Variants in ALDH1L1 observed in about 807,000 individuals in gnomAD.
ALDH1L1 encodes cytosolic 10-formyltetrahydrofolate dehydrogenase.
A neutral mutation model predicts 101.1 loss-of-function variants in ALDH1L1; 68 were observed. That is an observed-to-expected ratio of 0.67 (90% CI 0.55 to 0.82). The LOEUF is 0.82. Ranked by LOEUF, ALDH1L1 falls within the 40% of genes least tolerant of loss-of-function variation. ALDH1L1 has a pLI of 0.00. For missense variants in ALDH1L1, 1,087 were observed against 1,172.7 expected (o/e 0.93, Z 1.07); for synonymous variants, 486 against 470.8 (o/e 1.03, Z -0.42).
intron 1 of ALDH1L1, among the ~76,000 whole-genome samples, chr3:126,168,960 A>G (rs767362720): frequency 3.3e-5 from 5 of 152,154 alleles, no homozygotes; most frequent in Non-Finnish European, 7.4e-5. Context: ...TTTACAGACA[A>G]TTTTTATTTT....
chr3:126,180,854 G>T, upstream of ALDH1L1: 1 of 1,556,440 alleles, frequency 6.4e-7, no homozygotes, highest in South Asian at 1.2e-5. Flanking sequence ...ACCCAGCAGG[G>T]CTGGCAGTTC....
chr3:126,189,185 A>T (rs1302824282), intron 1 of ALDH1L1, among the ~76,000 whole-genome samples: 1 of 152,222 alleles, frequency 6.6e-6, no homozygotes, highest in African/African-American at 2.4e-5. Flanking sequence ...GAACTAATGG[A>T]TCCCTTAGAT....
intron 9 of ALDH1L1, among the ~76,000 whole-genome samples, chr3:126,140,189 G>A (rs1559943884): frequency 6.6e-6 from 1 of 152,150 alleles, no homozygotes; most frequent in Non-Finnish European, 1.5e-5. Context: ...TATACAATGG[G>A]TCTTTGATAA....
chr3:126,142,116 G>A (rs1421716120), intron 9 of ALDH1L1, among the ~76,000 whole-genome samples: 2 of 149,066 alleles, frequency 1.3e-5, no homozygotes, highest in East Asian at 3.9e-4. Context: ...CAAATTCCCA[G>A]AAACACACAA....
At chr3:126,107,076 C>A in intron 21 of ALDH1L1, 65 bp downstream of exon 21, 1 of 1,456,926 alleles carries the variant, frequency 6.9e-7, no homozygotes, top group East Asian at 2.3e-5. Flanking sequence ...CCAAAGCCCA[C>A]ATGAAGACCC....
chr3:126,182,383 C>T (rs1346802857), upstream of ALDH1L1, among the ~76,000 whole-genome samples: 1 of 152,178 alleles, frequency 6.6e-6, no homozygotes, highest in Non-Finnish European at 1.5e-5. Flanking sequence ...AAACTCCTGA[C>T]GTCAGATGAT....
chr3:126,120,651 C>G (rs1029203151), intron 16 of ALDH1L1, among the ~76,000 whole-genome samples: 1 of 152,092 alleles, frequency 6.6e-6, no homozygotes, highest in Non-Finnish European at 1.5e-5. Flanking sequence ...CAAACATACT[C>G]CTCTGGTGCT....
intron 1 of ALDH1L1, among the ~76,000 whole-genome samples, chr3:126,171,255 G>C (rs879743218): frequency 1.5e-4 from 23 of 152,162 alleles, no homozygotes; most frequent in Admixed American, 5.2e-4. Context: ...CCGAGATGGC[G>C]CCACTGCACT....
Position 126,135,553 on chromosome 3 carries a change from C to T in ALDH1L1, c.1454G>A (p.Arg485Gln), listed in dbSNP as rs753247080. The T allele has an allele frequency of 6.2e-6, 10 of 1,608,528 alleles. No individual in the cohort carries two copies. The East Asian group carries it at 6.8e-5, about 11-fold the overall frequency. ...GRWGKISARD[R>Q]GRLMYRLADL... is the part of the protein sequence containing the mutation. The stretch of plus-strand genomic sequence containing the variant: ...CTCCCACCTGTACATCAGCCGGCCC[C>T]GGTCCCGCGCACTGATCTTCCCCCA... The change falls in exon 12 of 23, where the codon CGG becomes CAG. Residue 485 changes from arginine to glutamine, a missense_variant. Arg to Gln is a conservative substitution (Grantham distance 43). Coordinates refer to ENST00000393434, the MANE Select transcript of ALDH1L1 (RefSeq NM_012190.4).
chr3:126,133,515 G>A (rs1308179151), intron 12 of ALDH1L1, among the ~76,000 whole-genome samples: 1 of 152,218 alleles, frequency 6.6e-6, no homozygotes, highest in Non-Finnish European at 1.5e-5. Context: ...ACCTGTGTGT[G>A]ACATGGCTGT....
chr3:126,155,255 C>T, intron 5 of ALDH1L1, 147 bp downstream of exon 5: 2 of 607,506 alleles, frequency 3.3e-6, no homozygotes, highest in Non-Finnish European at 2.7e-6. Context: ...TCTCTTCATG[C>T]ATCCCTGACC....
In ALDH1L1 at chr3:126,105,913, G is replaced by A. The variant is rs376780648; in HGVS notation, c.2466C>T (p.Ala822=). The A allele has an allele frequency of 3.5e-5, 56 of 1,612,948 alleles. No homozygotes were observed. Among genetic ancestry groups the A allele is most frequent in the African/African-American group, 3.2e-4 (24 of 74,906 alleles). Residue 822 remains alanine (A), a synonymous_variant, in exon 22 of 23, where the codon GCC becomes GCT. Transcript: ENST00000393434. The part of the protein sequence containing the change: ...ISRFADGDLD[A]VLSRANATEF... ...CCGTGGCATTGGCCCGAGACAGCAC[G>A]GCATCCAAGTCCCTGGAGAGAAAGT...
At chr3:126,147,388 G>T (rs1346400647) in intron 8 of ALDH1L1, among the ~76,000 whole-genome samples, 1 of 152,236 alleles carries the variant, frequency 6.6e-6, no homozygotes, top group African/African-American at 2.4e-5. Context: ...GGGCCTGAAG[G>T]TGACTATGAG....
In ALDH1L1 at chr3:126,142,907, C is replaced by G. The variant is rs139556468; in HGVS notation, c.1076+3928G>C. ...TGAGTGCCTGAAACCACATATAGGGCTGAACCTTACACTGTGCTCCTTGAC... is the reference window on the plus strand; with the variant it reads ...TGAGTGCCTGAAACCACATATAGGGGTGAACCTTACACTGTGCTCCTTGAC... On this transcript the variant is annotated intron_variant, in intron 9 of 22. Coordinates refer to ENST00000393434, the MANE Select transcript of ALDH1L1 (RefSeq NM_012190.4). Among the ~76,000 whole-genome samples, 886 of 152,308 alleles carry G rather than the reference C, an allele frequency of 5.8e-3. 12 individuals are homozygous for G. The highest frequency in any genetic ancestry group is 0.02 in the African/African-American group (844 of 41,574).
At chr3:126,115,163 C>A (rs764263255) in intron 17 of ALDH1L1, 1 of 441,548 alleles carries the variant, frequency 2.3e-6, no homozygotes, top group Non-Finnish European at 4.6e-6. Flanking sequence ...CAGCACCATC[C>A]GCTGGCACAG....
Position 126,124,458 on chromosome 3 carries a change from G to A in ALDH1L1, c.1801-7C>T. ...AGGCTGTGAGTGGGGTCACCTGGGT[G>A]TGGGGCCAGGAAAGGAGACTGGGTA... On this transcript the variant is annotated splice_region_variant and splice_polypyrimidine_tract_variant and intron_variant, in intron 15 of 22. Transcript: ENST00000393434. 6.2e-7 allele frequency: 1 copy of A among 1,608,568 alleles called. No individual in the cohort carries two copies. The highest frequency in any genetic ancestry group is 1.1e-5 in the South Asian group (1 of 90,118).
chr3:126,136,614 A>G, intron 11 of ALDH1L1, 150 bp downstream of exon 11: 1 of 1,334,468 alleles, frequency 7.5e-7, no homozygotes, highest in Non-Finnish European at 1.0e-6. Context: ...GGTGGGCTGG[A>G]AACGACCTGG....
At chr3:126,145,231 A>G (rs1346700416) in intron 9 of ALDH1L1, among the ~76,000 whole-genome samples, 1 of 152,240 alleles carries the variant, frequency 6.6e-6, no homozygotes, top group Non-Finnish European at 1.5e-5. Flanking sequence ...AAGATATGGG[A>G]AAAATGGAAC....
Position 126,110,028 on chromosome 3 carries a change from G to T in ALDH1L1, c.2263C>A (p.Leu755Ile), listed in dbSNP as rs778512889. The change falls in exon 20 of 23, where the codon CTT (leucine) becomes ATT (isoleucine). Residue 755 changes from leucine to isoleucine, a missense_variant. Physicochemically the swap from Leu to Ile is conservative, Grantham distance 5 (BLOSUM62 2). Coordinates refer to ENST00000393434, the MANE Select transcript of ALDH1L1 (RefSeq NM_012190.4). ...DHGPQNHHAH[L>I]VKLMEYCQHG... ...TGGCAGTACTCCATCAGCTTCACAA[G>T]GTGGGCATGGTGATTCTGCGGCCCG... 4 of 1,614,106 alleles carry T rather than the reference G, an allele frequency of 2.5e-6. No individual in the cohort carries two copies. In the African/African-American group the frequency reaches 5.3e-5, roughly 22 times the overall value.
Sources: allele counts gnomAD v4.1 joint callset (sites outside exome capture counted in the v4.1 genomes callset), GRCh38; gene constraint gnomAD v4.1.1; transcripts MANE v1.5; gene names NCBI Gene and HGNC (gene_info 2026-07-23, HGNC 2026-07-21).